NEB: variants seen among roughly 807,000 people sequenced by gnomAD.
NEB encodes the protein nemaline myopathy type 2.
In NEB, 512 loss-of-function variants were observed where a neutral mutation model predicts 952.2. The observed-to-expected ratio is 0.54, with a 90% confidence interval of 0.50 to 0.58. The LOEUF (loss-of-function observed/expected upper bound fraction) is 0.58. NEB is among the 20% of genes least tolerant of loss of function. The pLI, the probability that NEB is intolerant of heterozygous loss-of-function variation, is 0.00. For missense variants in NEB, 8,428 were observed against 9,231.1 expected, an observed-to-expected ratio of 0.91 and a Z score of 3.56; for synonymous variants, 2,900 against 3,149.8, an observed-to-expected ratio of 0.92 and a Z score of 2.66.
At chr2:151,618,135 A>G (rs2098266938) in intron 74 of NEB, 140 bp downstream of exon 74, 4 of 745,744 alleles carry the variant, frequency 5.4e-6, no homozygotes, top group African/African-American at 1.8e-5. Flanking sequence ...TCACTAAGTA[A>G]CTATGGTATT....
intron 64 of NEB, among the ~76,000 whole-genome samples, chr2:151,635,520 A>AAC (rs924728485): frequency 6.6e-6 from 1 of 152,102 alleles, no homozygotes; most frequent in Non-Finnish European, 1.5e-5. Flanking sequence ...CAGCCTGGCC[A>AAC]ACATGGTGAA....
intron 9 of NEB, among the ~76,000 whole-genome samples, chr2:151,721,663 A>G (rs2099774551): frequency 6.6e-6 from 1 of 152,204 alleles, no homozygotes; most frequent in African/African-American, 2.4e-5. Context: ...TTCTAAGAGG[A>G]AAGGATGAAA....
At chr2:151,497,401 AGATT>A in intron 171 of NEB, 1 of 977,970 alleles carries the variant, frequency 1.0e-6, no homozygotes, top group South Asian at 4.7e-5. Context: ...TTTAAAAAAA[AGATT>A]GAAAATACCA....
intron 129 of NEB, among the ~76,000 whole-genome samples, chr2:151,550,788 G>A (rs2095275277): frequency 6.6e-6 from 1 of 151,314 alleles, no homozygotes. Flanking sequence ...ACAGGTGCAT[G>A]CCACTATGCC....
At chr2:151,489,653 T>A (rs2054453688) in intron 181 of NEB, among the ~76,000 whole-genome samples, 1 of 152,160 alleles carries the variant, frequency 6.6e-6, no homozygotes, top group Admixed American at 6.5e-5. Flanking sequence ...TGCATCAGCG[T>A]CCCAAAGTGC....
chr2:151,649,319 A>G (rs946108712), intron 54 of NEB, among the ~76,000 whole-genome samples: 2 of 152,314 alleles, frequency 1.3e-5, no homozygotes, highest in Admixed American at 1.3e-4. Flanking sequence ...CAGTTTATCA[A>G]TGCTCATTCT....
At chr2:151,690,855 A>G in intron 23 of NEB, 30 bp from the exon 24 acceptor site, 1 of 1,460,922 alleles carries the variant, frequency 6.8e-7, no homozygotes, top group South Asian at 1.2e-5. Context: ...TTAATGAAAT[A>G]TCAGTATATT....
intron 180 of NEB, 117 bp from the exon 181 acceptor site, chr2:151,490,194 G>A: frequency 8.5e-7 from 1 of 1,175,022 alleles, no homozygotes; most frequent in Non-Finnish European, 1.2e-6. Flanking sequence ...TCCAAAAAGA[G>A]AAATCAAAGA....
chr2:151,611,977 G>C (rs983555614), intron 78 of NEB, among the ~76,000 whole-genome samples: 7 of 152,148 alleles, frequency 4.6e-5, no homozygotes, highest in African/African-American at 1.7e-4. Context: ...ATCATTCCAG[G>C]CTCTGTTCCC....
intron 142 of NEB, chr2:151,534,382 CAAGGTA>C: frequency 1.4e-6 from 2 of 1,396,098 alleles, no homozygotes; most frequent in Non-Finnish European, 2.0e-6. Context: ...AAAAATGTCT[CAAGGTA>C]AACACTCCAG....
Position 151,690,536 on chromosome 2 carries a change from TTGTC to T in NEB, c.2310+187_2310+190del, listed in dbSNP as rs1198321441. ...TATTAAAAAATATTTATTTTTATTATTGTCTAACACAACTTTCCTCAGGCTGCAA... is the reference window on the plus strand; with the variant it reads ...TATTAAAAAATATTTATTTTTATTATTAACACAACTTTCCTCAGGCTGCAA... On this transcript the variant is annotated intron_variant, in intron 24 of 181. Transcript: ENST00000397345. 15 of 528,700 alleles carry T rather than the reference TTGTC, an allele frequency of 2.8e-5. No individual in the cohort carries two copies. In the East Asian group the frequency reaches 4.7e-4, roughly 17 times the overall value. The allele number at this position is 528,700 out of a possible 1,614,324, so 32.8% of individuals were successfully genotyped here. A position where few individuals can be genotyped will look rare whatever the true frequency, so the allele number is the denominator to read the frequency against.
intron 168 of NEB, chr2:151,499,670 A>G (rs1178550944): frequency 3.4e-6 from 1 of 290,578 alleles, no homozygotes; most frequent in Non-Finnish European, 6.5e-6. Context: ...TAATTTCCTA[A>G]GACCACTAAA....
At chr2:151,672,314 A>C (rs115636003) in intron 37 of NEB, 55 bp downstream of exon 37, 1 of 1,455,908 alleles carries the variant, frequency 6.9e-7, no homozygotes, top group Non-Finnish European at 9.3e-7. Flanking sequence ...TAAAAGCGAG[A>C]AGTGATCATC....
intron 105 of NEB, among the ~76,000 whole-genome samples, chr2:151,577,671 T>G (rs1279183608): frequency 6.6e-6 from 1 of 152,104 alleles, no homozygotes; most frequent in Admixed American, 6.5e-5. Context: ...CTCTGCCTCC[T>G]AGGTTCAAAC....
chr2:151,527,412 A>C, intron 147 of NEB, 69 bp downstream of exon 147: 2 of 1,145,348 alleles, frequency 1.7e-6, no homozygotes, highest in Non-Finnish European at 2.5e-6. Context: ...TGGTTATTAT[A>C]AATAATTATT....
rs372609682 is a variant in NEB, at chr2:151,692,116, G to C, written c.2049C>G (p.Gly683=). 67 of 1,613,912 alleles carry C rather than the reference G, an allele frequency of 4.2e-5. No homozygotes were observed. The African/African-American group carries it at 8.8e-4, about 21-fold the overall frequency. The change falls in exon 22 of 182, where the codon GGC becomes GGG. Residue 683 remains glycine, a synonymous_variant. Coordinates refer to ENST00000397345, the MANE Select transcript of NEB (RefSeq NM_001164508.2). The stretch of plus-strand genomic sequence containing the variant: ...GTGTGTGATATGGGTCCTCCATGCT[G>C]CCTACATAATGTCCCAAAACATCCT... ...YVKDVLGHYV[G]SMEDPYHTHC... is the part of the protein sequence containing the mutation.
Position 151,618,318 on chromosome 2 carries a change from G to C in NEB, c.11033C>G (p.Pro3678Arg), listed in dbSNP as rs752318455. ...ATTGTTTTTTGCCAGCACCTGCTCCGGAGTGTCCGTTATACTGGTAAATTT... is the reference window on the plus strand; with the variant it reads ...ATTGTTTTTTGCCAGCACCTGCTCCCGAGTGTCCGTTATACTGGTAAATTT... ...TLKFTSITDT[P>R]EQVLAKNNAL... Residue 3678 changes from proline (P) to arginine (R), a missense_variant, in exon 74 of 182, where the codon CCG becomes CGG. By Grantham distance (103) the Pro-to-Arg change is moderately radical. Transcript: ENST00000397345. The C allele has an allele frequency of 1.2e-6, 2 of 1,613,770 alleles. No homozygotes were observed. The highest frequency in any genetic ancestry group is 1.7e-6 in the Non-Finnish European group (2 of 1,179,858).
intron 121 of NEB, 22 bp from the exon 122 acceptor site, chr2:151,561,334 A>G: frequency 6.6e-7 from 1 of 1,526,174 alleles, no homozygotes; most frequent in Non-Finnish European, 8.9e-7. Flanking sequence ...AACAAAAGTC[A>G]TCAAAAATGG....
At chr2:151,670,963 G>C in intron 38 of NEB, 60 bp downstream of exon 38, 1 of 1,497,712 alleles carries the variant, frequency 6.7e-7, no homozygotes, top group East Asian at 2.3e-5. Context: ...AAGGACGGAG[G>C]AGCGGCTCAG....
Sources: allele counts gnomAD v4.1 joint callset (sites outside exome capture counted in the v4.1 genomes callset), GRCh38; gene constraint gnomAD v4.1.1; transcripts MANE v1.5; gene names NCBI Gene and HGNC (gene_info 2026-07-23, HGNC 2026-07-21).